The following WDR55 variants were observed in gnomAD, a reference collection of about 807,000 sequenced individuals.
WDR55 encodes the protein WD repeat domain 55, also known as WD repeat-containing protein 55.
WDR55 carries 31 observed loss-of-function variants against 34.0 expected under a neutral mutation model. That is an observed-to-expected ratio of 0.91 (90% confidence interval 0.69 to 1.23). WDR55 has a LOEUF of 1.23. WDR55 is among the 50% of genes most tolerant of loss of function. WDR55 has a pLI of 0.00. For missense variants in WDR55, 440 were observed against 494.6 expected, an observed-to-expected ratio of 0.89 and a Z score of 1.05; for synonymous variants, 164 against 185.9, an observed-to-expected ratio of 0.88 and a Z score of 0.96.
At chr5:140,668,205 G>T in intron 1 of WDR55, 29 bp from the exon 2 acceptor site, 1 of 1,565,012 alleles carries the variant, frequency 6.4e-7, no homozygotes, top group Non-Finnish European at 8.7e-7. Context: ...TGGGTCTGGA[G>T]TCATTTACCC....
chr5:140,665,439 A>G (rs1460006967), intron 1 of WDR55, among the ~76,000 whole-genome samples: 2 of 151,784 alleles, frequency 1.3e-5, no homozygotes, highest in East Asian at 2.0e-4. Flanking sequence ...GCTCACTGCA[A>G]CCTCCCCCTT....
chr5:140,671,209 A>G lies in WDR55; in HGVS notation c.*1555A>G, dbSNP rs1758064115. On this transcript the variant is annotated 3_prime_UTR_variant, in exon 7 of 7. Transcript: ENST00000358337. The stretch of plus-strand genomic sequence containing the variant: ...GCCCCTCCCCACCTTTGGGGGTCAG[A>G]AAGTGGCCACCCAGGCCTGCTGGGA... 9.5e-6 allele frequency: 15 copies of G among 1,577,872 alleles called. No homozygotes were observed. The highest frequency in any genetic ancestry group is 1.2e-5 in the Non-Finnish European group (14 of 1,150,486).
chr5:140,671,802 T>G lies in WDR55; in HGVS notation c.*2148T>G, dbSNP rs1392839879. On this transcript the variant is annotated 3_prime_UTR_variant, in exon 7 of 7. Transcript: ENST00000358337. ...CAGGTCTAAACCCTGGGCCCAAGCC[T>G]CCAGGTGGTGAGCCCTTTGGAGCTA... The G allele has an allele frequency of 3.2e-6, 5 of 1,543,408 alleles. No homozygotes were observed. The South Asian group carries it at 3.6e-5, about 11-fold the overall frequency.
chr5:140,665,741 C>T (rs1480829839), intron 1 of WDR55, among the ~76,000 whole-genome samples: 1 of 152,164 alleles, frequency 6.6e-6, no homozygotes, highest in Admixed American at 6.5e-5. Flanking sequence ...TTGGCTCACG[C>T]CTGTAATACC....
At position 140,668,505 on chromosome 5, in the gene WDR55, A is replaced by G; in HGVS notation, c.380+3A>G. The G allele has an allele frequency of 6.2e-7, 1 of 1,613,990 alleles. No individual in the cohort carries two copies. Among genetic ancestry groups the G allele is most frequent in the Non-Finnish European group, 8.5e-7 (1 of 1,179,894 alleles). ...AGACGTGTTTCCAAGGCTCATGGGT[A>G]AGGAGAGCAGCCAATTCTGTGTATG... On this transcript the variant is annotated splice_donor_region_variant and intron_variant, in intron 3 of 6. Coordinates refer to ENST00000358337, the MANE Select transcript of WDR55 (RefSeq NM_017706.5).
rs1474144745 is a variant in WDR55 at position 140,670,793 on chromosome 5, G to A, written c.*1139G>A. 7.6e-5 allele frequency: 17 copies of A among 222,580 alleles called. No individual in the cohort carries two copies. The South Asian group carries it at 1.2e-3, about 15-fold the overall frequency. The allele number at this position is 222,580 out of a possible 1,614,324, so 13.8% of individuals were successfully genotyped here. ...CTAGGGCAAGACAGCACAGACACAA[G>A]TATATACTAACCAGGGGTTTAATAT... On this transcript the variant is annotated 3_prime_UTR_variant, in exon 7 of 7. Transcript: ENST00000358337.
At chr5:140,668,038 T>G in intron 1 of WDR55, 196 bp from the exon 2 acceptor site, 1 of 552,464 alleles carries the variant, frequency 1.8e-6, no homozygotes, top group Non-Finnish European at 3.1e-6. Flanking sequence ...TGAACTAACA[T>G]ATATTGAAAA....
In WDR55 at chr5:140,670,469, C is replaced by T. The variant is rs1758047269; in HGVS notation, c.*815C>T. 6.6e-6 allele frequency: 1 copy of T among 152,190 alleles called. No individual in the cohort carries two copies. The highest frequency in any genetic ancestry group is 1.5e-5 in the Non-Finnish European group (1 of 68,198). The allele number at this position is 152,190 out of a possible 1,614,324, so 9.4% of individuals were successfully genotyped here. ...GTTCAAGCAATTCTCCTGCCTCAGC[C>T]TCCCAAGTAGCTGGGATTACAGGTG... is the stretch of plus-strand genomic sequence containing the variant. On this transcript the variant is annotated 3_prime_UTR_variant, in exon 7 of 7. Coordinates refer to ENST00000358337, the MANE Select transcript of WDR55 (RefSeq NM_017706.5).
At chr5:140,668,213 C>T (rs1339026366) in intron 1 of WDR55, 21 bp from the exon 2 acceptor site, 2 of 1,573,890 alleles carry the variant, frequency 1.3e-6, no homozygotes, top group Non-Finnish European at 1.7e-6. Context: ...GAGTCATTTA[C>T]CCTCCTTGCC....
chr5:140,669,254 G>A lies in WDR55; in HGVS notation c.830+6G>A, dbSNP rs1327106737. The A allele has an allele frequency of 6.2e-7, 1 of 1,613,400 alleles. No homozygotes were observed. Among genetic ancestry groups the A allele is most frequent in the African/African-American group, 1.3e-5 (1 of 74,878 alleles). On this transcript the variant is annotated splice_donor_region_variant and intron_variant, in intron 6 of 6. Transcript: ENST00000358337. ...TCCACTGATGGAGTCATCAGGTGAGGGAAGCCTGGACAGCCCTTAGGTCAC... is the reference window on the plus strand; with the variant it reads ...TCCACTGATGGAGTCATCAGGTGAGAGAAGCCTGGACAGCCCTTAGGTCAC...
Position 140,671,038 on chromosome 5 carries a change from G to T in WDR55, c.*1384G>T. On this transcript the variant is annotated 3_prime_UTR_variant, in exon 7 of 7. Coordinates refer to ENST00000358337, the MANE Select transcript of WDR55 (RefSeq NM_017706.5). ...ATCGGGTGGGGGTGGGACAAGGAAC[G>T]GCCATGGAAGATCACTGGGTCAGGT... is the stretch of plus-strand genomic sequence containing the variant. 3.4e-6 allele frequency: 2 copies of T among 579,970 alleles called. No homozygotes were observed. Among genetic ancestry groups the T allele is most frequent in the Non-Finnish European group, 6.2e-6 (2 of 321,682 alleles). The allele number at this position is 579,970 out of a possible 1,614,324, so 35.9% of individuals were successfully genotyped here.
Position 140,670,889 on chromosome 5 carries a change from A to G in WDR55, c.*1235A>G. On this transcript the variant is annotated 3_prime_UTR_variant, in exon 7 of 7. Coordinates refer to ENST00000358337, the MANE Select transcript of WDR55 (RefSeq NM_017706.5). ...ACCAGAATGCCATGTGGTGGAGGCA[A>G]AGGGCAGAATTTCTGACCCCTTTGG... The G allele has an allele frequency of 3.7e-6, 1 of 268,260 alleles. No homozygotes were observed. Among genetic ancestry groups the G allele is most frequent in the South Asian group, 4.7e-5 (1 of 21,404 alleles). 16.6% of individuals were successfully genotyped at this position (268,260 alleles called of 1,614,324 possible). A position where few individuals can be genotyped will look rare whatever the true frequency, so the allele number is the denominator to read the frequency against.
Position 140,671,969 on chromosome 5 carries a change from G to A in WDR55, c.*2315G>A, listed in dbSNP as rs1404163518. 2 of 616,330 alleles carry A rather than the reference G, an allele frequency of 3.2e-6. No homozygotes were observed. The highest frequency in any genetic ancestry group is 5.7e-6 in the Non-Finnish European group (2 of 350,788). The allele number at this position is 616,330 out of a possible 1,614,324, so 38.2% of individuals were successfully genotyped here. A position where few individuals can be genotyped will look rare whatever the true frequency, so the allele number is the denominator to read the frequency against. ...TACAAGTTTCCTTGGAGAAGTACTG[G>A]TTAATTGCAGGCTTTGTCTGCCTCA... On this transcript the variant is annotated 3_prime_UTR_variant, in exon 7 of 7. Coordinates refer to ENST00000358337, the MANE Select transcript of WDR55 (RefSeq NM_017706.5).
At position 140,672,088 on chromosome 5, in the gene WDR55, A is replaced by G. The variant is rs776602640; in HGVS notation, c.*2434A>G. 29 of 542,974 alleles carry G rather than the reference A, an allele frequency of 5.3e-5. No homozygotes were observed. The highest frequency in any genetic ancestry group is 4.3e-4 in the African/African-American group (23 of 52,924). 33.6% of individuals were successfully genotyped at this position (542,974 alleles called of 1,614,324 possible). On this transcript the variant is annotated 3_prime_UTR_variant, in exon 7 of 7. Transcript: ENST00000358337. Reference sequence around the variant, plus strand: ...ACACCCATTATGTTACTTAATTCTCATAACAGTCTGAGGAAACAGATTCTA... The same window carrying G: ...ACACCCATTATGTTACTTAATTCTCGTAACAGTCTGAGGAAACAGATTCTA...
rs764876627 is a variant in WDR55, at chr5:140,668,986, T to TGA, written c.657_658dup (p.Lys220ArgfsTer7). ...GGGGACCTGACCTCTGTCACTCTCATGAAAGTACAGCTGGTTATGGTGGGA... is the reference window on the plus strand; with the variant it reads ...GGGGACCTGACCTCTGTCACTCTCATGAGAAAGTACAGCTGGTTATGGTGGGA... On this transcript the variant is annotated frameshift_variant, in exon 5 of 7. Coordinates refer to ENST00000358337, the MANE Select transcript of WDR55 (RefSeq NM_017706.5). LOFTEE classifies it high-confidence loss of function. The TGA allele has an allele frequency of 8.7e-6, 14 of 1,614,080 alleles. No homozygotes were observed. The highest frequency in any genetic ancestry group is 1.3e-5 in the African/African-American group (1 of 74,932).
chr5:140,667,859 A>AAAT (rs1256407078), intron 1 of WDR55: 16 of 167,164 alleles, frequency 9.6e-5, no homozygotes, highest in Admixed American at 9.4e-4. Context: ...AGCCTGCTCT[A>AAAT]CCTTACTGAT....
In WDR55 at chr5:140,671,875, T is replaced by G; in HGVS notation, c.*2221T>G. 9.0e-7 allele frequency: 1 copy of G among 1,106,782 alleles called. No homozygotes were observed. Among genetic ancestry groups the G allele is most frequent in the South Asian group, 1.3e-5 (1 of 74,154 alleles). 68.6% of individuals were successfully genotyped at this position (1,106,782 alleles called of 1,614,324 possible). On this transcript the variant is annotated 3_prime_UTR_variant, in exon 7 of 7. Transcript: ENST00000358337. ...TTCCCATTTCCTGGTAGTGTGACCATGGGTAAGAAAAGACAATGAAGCCTT... is the reference window on the plus strand; with the variant it reads ...TTCCCATTTCCTGGTAGTGTGACCAGGGGTAAGAAAAGACAATGAAGCCTT...
intron 4 of WDR55, 35 bp from the exon 5 acceptor site, chr5:140,668,856 C>T: frequency 6.2e-7 from 1 of 1,614,068 alleles, no homozygotes. Flanking sequence ...CTCAAATAGA[C>T]CTTGCGTCTA....
Position 140,672,255 on chromosome 5 carries a change from A to C in WDR55, c.*2601A>C. ...TTAAGTCAGGAGGTAATGCTCGGGA[A>C]GTGTCACAAATTTAGGTAAGCGGTG... On this transcript the variant is annotated 3_prime_UTR_variant, in exon 7 of 7. Transcript: ENST00000358337. 13 of 624,680 alleles carry C rather than the reference A, an allele frequency of 2.1e-5. No individual in the cohort carries two copies. Among genetic ancestry groups the C allele is most frequent in the Non-Finnish European group, 2.5e-5 (9 of 361,388 alleles). The allele number at this position is 624,680 out of a possible 1,614,324, so 38.7% of individuals were successfully genotyped here.
Sources: allele counts gnomAD v4.1 joint callset (sites outside exome capture counted in the v4.1 genomes callset), GRCh38; gene constraint gnomAD v4.1.1; transcripts MANE v1.5; gene names NCBI Gene and HGNC (gene_info 2026-07-23, HGNC 2026-07-21).